LAMC3: variants seen among roughly 807,000 people sequenced by gnomAD.
LAMC3 encodes laminin subunit gamma-3.
In LAMC3, 128 loss-of-function variants were observed where a neutral mutation model predicts 173.8. The observed-to-expected ratio is 0.74, with a 90% confidence interval of 0.64 to 0.85. The LOEUF (loss-of-function observed/expected upper bound fraction) is 0.85, where lower values mean the gene tolerates loss of function less well. Among genes scored for constraint, LAMC3 ranks in the 40% least tolerant of loss-of-function variants. The pLI, the probability that LAMC3 is intolerant of heterozygous loss-of-function variation, is 0.00. For missense variants in LAMC3, 2,022 were observed against 2,156.0 expected (o/e 0.94, Z 1.23); for synonymous variants, 897 against 909.1 (o/e 0.99, Z 0.24).
In LAMC3 at chr9:131,012,993, A is replaced by G. The variant is rs566854167; in HGVS notation, c.373+3406A>G. Reference sequence around the variant, plus strand: ...CAGCCCCAGCCCACCACCAAGGCCCAGGGAGGCCACGGGGCTGGGGCCTGG... The same window carrying G: ...CAGCCCCAGCCCACCACCAAGGCCCGGGGAGGCCACGGGGCTGGGGCCTGG... On this transcript the variant is annotated intron_variant, in intron 1 of 27. Coordinates refer to ENST00000361069, the MANE Select transcript of LAMC3 (RefSeq NM_006059.4). 4.1e-3 allele frequency among the ~76,000 whole-genome samples: 624 copies of G among 152,344 alleles called. 2 individuals are homozygous for G. Among genetic ancestry groups the G allele is most frequent in the Non-Finnish European group, 6.9e-3 (469 of 68,020 alleles).
intron 1 of LAMC3, among the ~76,000 whole-genome samples, chr9:131,021,707 C>T (rs1308370395): frequency 6.6e-6 from 1 of 152,214 alleles, no homozygotes; most frequent in East Asian, 1.9e-4. Flanking sequence ...TCTTCCGCCA[C>T]ACACACCAGT....
At chr9:131,067,989 C>T in intron 14 of LAMC3, 89 bp from the exon 15 acceptor site, 1 of 1,379,028 alleles carries the variant, frequency 7.3e-7, no homozygotes, top group Non-Finnish European at 1.0e-6. Context: ...TCTGGAGGCT[C>T]CCCCATCTCC....
At chr9:131,087,676 G>A (rs1830356215) in intron 26 of LAMC3, 42 bp from the exon 27 acceptor site, 3 of 1,613,638 alleles carry the variant, frequency 1.9e-6, no homozygotes, top group Non-Finnish European at 2.5e-6. Flanking sequence ...CAGCCCGGGT[G>A]GGGACGCCAT....
At chr9:131,081,435 T>TTCTCTCCCTCCCTCCA (rs1830236749) in intron 23 of LAMC3, among the ~76,000 whole-genome samples, 11 of 126,880 alleles carry the variant, frequency 8.7e-5, no homozygotes, top group African/African-American at 2.9e-4. Context: ...TAGAGCAGTG[T>TTCTCTCCCTCCCTCCA]TCCCTCCCTC....
At position 131,052,861 on chromosome 9, in the gene LAMC3, C is replaced by T; in HGVS notation, c.1835C>T (p.Thr612Ile). ...GCTTCTCTCGCCAGCCTGCAGGAGA[C>T]CTCCGAGGACGTGGCCCCTCCACTG... ...EVELRFHLQE[T>I]SEDVAPPLPP... The change falls in exon 11 of 28, where the codon ACC becomes ATC. Residue 612 changes from threonine (T) to isoleucine (I), a missense_variant. Transcript: ENST00000361069. 6.2e-7 allele frequency: 1 copy of T among 1,612,788 alleles called. No homozygotes were observed. Among genetic ancestry groups the T allele is most frequent in the Middle Eastern group, 1.6e-4 (1 of 6,062 alleles).
intron 24 of LAMC3, among the ~76,000 whole-genome samples, chr9:131,084,211 C>T (rs756810739): frequency 2.6e-5 from 4 of 151,702 alleles, no homozygotes; most frequent in African/African-American, 9.7e-5. Flanking sequence ...TGATAAACTT[C>T]CTTTAGAATT....
intron 8 of LAMC3, among the ~76,000 whole-genome samples, chr9:131,046,007 T>G (rs1037636935): frequency 1.3e-5 from 2 of 152,168 alleles, no homozygotes; most frequent in Non-Finnish European, 2.9e-5. Context: ...TCTCCTGGCC[T>G]CCACTTATTG....
intron 16 of LAMC3, among the ~76,000 whole-genome samples, chr9:131,069,346 G>A (rs1165728172): frequency 5.3e-5 from 8 of 152,120 alleles, no homozygotes; most frequent in Non-Finnish European, 8.8e-5. Flanking sequence ...TCCCAGACGC[G>A]CTGTTAAGTG....
At position 131,061,067 on chromosome 9, in the gene LAMC3, C is replaced by T. The variant is rs1196109015; in HGVS notation, c.2191C>T (p.Pro731Ser). 1.9e-6 allele frequency: 3 copies of T among 1,614,152 alleles called. No homozygotes were observed. The highest frequency in any genetic ancestry group is 2.5e-6 in the Non-Finnish European group (3 of 1,180,024). The change falls in exon 13 of 28, where the codon CCA (proline) becomes TCA (serine). Residue 731 changes from proline to serine, a missense_variant. By Grantham distance (74) the Pro-to-Ser change is moderately conservative (BLOSUM62 -1). Transcript: ENST00000361069. ...TGTCTGCAGCCACCATACCGAGGGC[C>T]CATCCTGTGAACGCTGTTTGCCAGG... ...ICVCSHHTEGPSCERCLPGFY... is the reference protein window; with the variant it reads ...ICVCSHHTEGSSCERCLPGFY...
chr9:131,071,110 T>A (rs1281661423), intron 17 of LAMC3, among the ~76,000 whole-genome samples: 1 of 152,220 alleles, frequency 6.6e-6, no homozygotes, highest in African/African-American at 2.4e-5. Context: ...AGCTAGGGTA[T>A]GTTCATAGCA....
chr9:131,024,360 G>T (rs569174130), intron 1 of LAMC3, among the ~76,000 whole-genome samples: 1 of 152,154 alleles, frequency 6.6e-6, no homozygotes, highest in African/African-American at 2.4e-5. Flanking sequence ...TGGTCAGGCT[G>T]GTCTCGAACT....
intron 3 of LAMC3, among the ~76,000 whole-genome samples, chr9:131,035,033 C>T (rs1833916868): frequency 6.6e-6 from 1 of 152,212 alleles, no homozygotes; most frequent in Non-Finnish European, 1.5e-5. Flanking sequence ...TCACTGCAAC[C>T]TCTGCCTCTT....
intron 13 of LAMC3, among the ~76,000 whole-genome samples, chr9:131,065,220 GTATGTTCTTTTA>G (rs1829909892): frequency 6.6e-6 from 1 of 152,158 alleles, no homozygotes; most frequent in Non-Finnish European, 1.5e-5. Context: ...CTTGGAACAA[GTATGTTCTTTTA>G]TGCTCCGTCT....
At chr9:131,070,639 A>G (rs904883663) in intron 17 of LAMC3, among the ~76,000 whole-genome samples, 2 of 152,076 alleles carry the variant, frequency 1.3e-5, no homozygotes, top group African/African-American at 4.8e-5. Flanking sequence ...TGAACCCAGG[A>G]GGCGGAGGTC....
At chr9:131,073,759 C>A (rs565979816) in intron 20 of LAMC3, among the ~76,000 whole-genome samples, 5 of 151,926 alleles carry the variant, frequency 3.3e-5, no homozygotes, top group Non-Finnish European at 5.9e-5. Context: ...CAAAAACAAA[C>A]CCCTGGACCC....
intron 6 of LAMC3, among the ~76,000 whole-genome samples, chr9:131,040,446 T>C (rs1448190604): frequency 6.6e-6 from 1 of 152,186 alleles, no homozygotes; most frequent in African/African-American, 2.4e-5. Flanking sequence ...CCCAAAGTGC[T>C]GATTACAGAC....
At chr9:131,034,590 CCACTTAG>C (rs1833907150) in intron 3 of LAMC3, among the ~76,000 whole-genome samples, 1 of 152,244 alleles carries the variant, frequency 6.6e-6, no homozygotes, top group Non-Finnish European at 1.5e-5. Flanking sequence ...TCCAGCTCAG[CCACTTAG>C]CATCTGTGAG....
intron 1 of LAMC3, among the ~76,000 whole-genome samples, chr9:131,019,077 A>G (rs537966748): frequency 1.3e-5 from 2 of 152,360 alleles, no homozygotes; most frequent in East Asian, 1.9e-4. Context: ...AGCCTGGCCT[A>G]CATGGTGAAA....
intron 1 of LAMC3, among the ~76,000 whole-genome samples, chr9:131,010,769 CGAGG>C (rs1411298635): frequency 6.6e-6 from 1 of 152,234 alleles, no homozygotes; most frequent in Non-Finnish European, 1.5e-5. Context: ...CATGACTTGC[CGAGG>C]TGCAGAAGCC....
Sources: gnomAD v4.1 joint callset for allele counts (sites outside exome capture counted in the v4.1 genomes callset) on GRCh38, gnomAD v4.1.1 for gene constraint, MANE v1.5 for transcripts, NCBI Gene and HGNC (gene_info 2026-07-23, HGNC 2026-07-21) for gene names.